The following ZBTB16 variants were observed in gnomAD, a reference collection of about 807,000 sequenced individuals.
ZBTB16 encodes zinc finger and BTB domain containing 16.
In ZBTB16, 8 loss-of-function variants were observed where a neutral mutation model predicts 56.8. The observed-to-expected ratio is 0.14, with a 90% CI of 0.08 to 0.25. The LOEUF (loss-of-function observed/expected upper bound fraction) is 0.25. Ranked by LOEUF, ZBTB16 falls within the 10% of genes least tolerant of loss-of-function variation. The pLI is 1.00. For missense variants in ZBTB16, 625 were observed against 903.0 expected (o/e 0.69, Z 3.95); for synonymous variants, 363 against 368.5 (o/e 0.98, Z 0.17).
At chr11:114,174,086 G>A (rs907243810) in intron 3 of ZBTB16, among the ~76,000 whole-genome samples, 1 of 152,170 alleles carries the variant, frequency 6.6e-6, no homozygotes, top group African/African-American at 2.4e-5. Flanking sequence ...CAAGGAACAT[G>A]ACTTCCACTT....
chr11:114,145,121 T>G (rs561785402), intron 2 of ZBTB16, among the ~76,000 whole-genome samples: 2 of 152,354 alleles, frequency 1.3e-5, no homozygotes, highest in East Asian at 1.9e-4. Context: ...ATCCCCTTTT[T>G]GGGGGGCTTT....
chr11:114,224,157 A>G (rs1218796693), intron 4 of ZBTB16, among the ~76,000 whole-genome samples: 1 of 152,214 alleles, frequency 6.6e-6, no homozygotes, highest in Non-Finnish European at 1.5e-5. Context: ...GGTGGGTTTA[A>G]GCTGAAGGCA....
chr11:114,254,207 TG>T lies in ZBTB16; in HGVS notation c.*3653del, dbSNP rs1262805314. On this transcript the variant is annotated 3_prime_UTR_variant, in exon 7 of 7. Transcript: ENST00000335953. ...GATATATATATATATAGCAAGAGAT[TG>T]ATATAAAATAGTAAATATCATTGCT... Among the ~76,000 whole-genome samples the T allele has an allele frequency of 6.6e-6, 1 of 151,920 alleles. No homozygotes were observed. The highest frequency in any genetic ancestry group is 2.4e-5 in the African/African-American group (1 of 41,338).
At chr11:114,159,688 C>A (rs1458558373) in intron 3 of ZBTB16, among the ~76,000 whole-genome samples, 1 of 152,118 alleles carries the variant, frequency 6.6e-6, no homozygotes, top group African/African-American at 2.4e-5. Flanking sequence ...GGTCTTCTTA[C>A]AGATTCCAGT....
intron 2 of ZBTB16, among the ~76,000 whole-genome samples, chr11:114,121,410 G>A (rs559234304): frequency 6.6e-6 from 1 of 152,310 alleles, no homozygotes; most frequent in South Asian, 2.1e-4. Flanking sequence ...GGGGCTGCCA[G>A]TAAGGTGGGG....
Position 114,060,136 on chromosome 11 carries a change from G to T in ZBTB16, c.-91+254G>T, listed in dbSNP as rs984189837. The T allele has an allele frequency of 2.8e-5, 6 of 211,464 alleles. No individual in the cohort carries two copies. Among genetic ancestry groups the T allele is most frequent in the African/African-American group, 6.8e-5 (3 of 43,816 alleles). 13.1% of individuals were successfully genotyped at this position (211,464 alleles called of 1,614,324 possible). On this transcript the variant is annotated intron_variant, in intron 1 of 6. Transcript: ENST00000335953. This position sits in a 1 kb window ranked among gnomAD's most constrained non-coding sequence, Gnocchi z 6.0. ...CCCCAGCCCTTCCTCTTCAGGGCAC[G>T]GTCGGGGTGAGAGGTGGGGGGCGTA...
intron 2 of ZBTB16, among the ~76,000 whole-genome samples, chr11:114,087,827 A>G (rs11820868): frequency 0.012 from 1,798 of 152,182 alleles, 34 homozygotes; most frequent in African/African-American, 0.041. Flanking sequence ...TTCTCTGCAT[A>G]TTTCTTAGAA....
intron 2 of ZBTB16, among the ~76,000 whole-genome samples, chr11:114,090,170 G>A (rs1219177666): frequency 6.6e-6 from 1 of 152,234 alleles, no homozygotes; most frequent in African/African-American, 2.4e-5. Context: ...GCCATTAAAT[G>A]TGGCTCCCTG....
At chr11:114,096,436 G>A (rs1940410794) in intron 2 of ZBTB16, among the ~76,000 whole-genome samples, 3 of 152,206 alleles carry the variant, frequency 2.0e-5, no homozygotes, top group Non-Finnish European at 2.9e-5. Flanking sequence ...ATAGACCTCT[G>A]TGGTCTCCTG....
intron 4 of ZBTB16, among the ~76,000 whole-genome samples, chr11:114,220,532 G>A (rs903066793): frequency 1.3e-5 from 2 of 152,286 alleles, no homozygotes; most frequent in African/African-American, 2.4e-5. Flanking sequence ...CCTGAAAGCC[G>A]TGGAAGTACT....
intron 4 of ZBTB16, among the ~76,000 whole-genome samples, chr11:114,221,066 G>A (rs147333393): frequency 1.2e-4 from 19 of 152,296 alleles, no homozygotes; most frequent in African/African-American, 4.6e-4. Flanking sequence ...TTCAGTGGAA[G>A]AGCCTACCCA....
In ZBTB16 at chr11:114,196,224, C is replaced by G. The variant is rs566922354; in HGVS notation, c.1453+9186C>G. Among the ~76,000 whole-genome samples the G allele has an allele frequency of 2.0e-5, 3 of 152,270 alleles. No individual in the cohort carries two copies. In the East Asian group the frequency reaches 5.8e-4, roughly 29 times the overall value. On this transcript the variant is annotated intron_variant, in intron 4 of 6. Transcript: ENST00000335953. Reference sequence around the variant, plus strand: ...CAGGAGCACCAGGCCTGTGCCCTTCCACGTCTTAAGAGGAGGCTTCAGTGA... The same window carrying G: ...CAGGAGCACCAGGCCTGTGCCCTTCGACGTCTTAAGAGGAGGCTTCAGTGA...
At chr11:114,245,403 C>T (rs1408923266) in intron 5 of ZBTB16, among the ~76,000 whole-genome samples, 1 of 152,240 alleles carries the variant, frequency 6.6e-6, no homozygotes, top group Non-Finnish European at 1.5e-5. Flanking sequence ...AAGTGCCCCT[C>T]TCATGGCATG....
intron 4 of ZBTB16, among the ~76,000 whole-genome samples, chr11:114,204,776 C>A (rs1943818416): frequency 6.6e-6 from 1 of 152,132 alleles, no homozygotes; most frequent in Non-Finnish European, 1.5e-5. Context: ...GTTTACTCGA[C>A]CATCCCAGGC....
intron 2 of ZBTB16, among the ~76,000 whole-genome samples, chr11:114,105,031 G>T (rs1200465706): frequency 2.0e-5 from 3 of 152,212 alleles, no homozygotes; most frequent in African/African-American, 7.2e-5. Flanking sequence ...CCACTCACCT[G>T]TGGAAGGCAC....
intron 2 of ZBTB16, among the ~76,000 whole-genome samples, chr11:114,147,444 G>C (rs372236474): frequency 6.6e-6 from 1 of 152,194 alleles, no homozygotes; most frequent in Admixed American, 6.5e-5. Flanking sequence ...AGCCTTGTAC[G>C]GGAGAGGGAG....
chr11:114,215,484 G>A (rs1460002534), intron 4 of ZBTB16, among the ~76,000 whole-genome samples: 1 of 152,220 alleles, frequency 6.6e-6, no homozygotes, highest in African/African-American at 2.4e-5. Flanking sequence ...TCATTCAGAT[G>A]TCTCTCTGGT....
chr11:114,089,702 C>A (rs2137721643), intron 2 of ZBTB16, among the ~76,000 whole-genome samples: 1 of 152,306 alleles, frequency 6.6e-6, no homozygotes, highest in Admixed American at 6.5e-5. Context: ...CCTCATGTGC[C>A]CACTGGGGAA....
chr11:114,122,019 G>T, intron 2 of ZBTB16: 1 of 313,454 alleles, frequency 3.2e-6, no homozygotes, highest in South Asian at 2.4e-5. Context: ...CATAGACACT[G>T]AGTTTGCCTG....
Sources: allele counts gnomAD v4.1 joint callset (sites outside exome capture counted in the v4.1 genomes callset), GRCh38; gene constraint gnomAD v4.1.1; non-coding constraint Gnocchi (gnomAD v3.1); transcripts MANE v1.5; gene names NCBI Gene and HGNC (gene_info 2026-07-23, HGNC 2026-07-21).